MVP: variants seen among roughly 807,000 people sequenced by gnomAD.
The protein encoded by MVP is lung resistance-related protein.
Under a neutral mutation model 83.5 loss-of-function variants are expected in MVP, and 62 were observed. The ratio of observed to expected loss-of-function variants is 0.74; its 90% CI spans 0.61 to 0.92. The LOEUF (loss-of-function observed/expected upper bound fraction) is 0.92, where lower values mean the gene tolerates loss of function less well. MVP is among the 40% of genes least tolerant of loss of function. The probability of loss-of-function intolerance (pLI) is 0.00; values close to 1 mark genes in which losing one functional copy is unlikely to be tolerated. For synonymous variants in MVP, 505 were observed against 504.1 expected (o/e 1.00, Z -0.02); for missense variants, 1,000 against 1,203.4 (o/e 0.83, Z 2.50).
chr16:29,836,284 A>T (rs1415494430), intron 6 of MVP, among the ~76,000 whole-genome samples: 1 of 151,560 alleles, frequency 6.6e-6, no homozygotes, highest in Non-Finnish European at 1.5e-5. Flanking sequence ...AAAAAAAAAA[A>T]ACAAAGCCGG....
At position 29,844,529 on chromosome 16, in the gene MVP, G is replaced by A. The variant is rs530445296; in HGVS notation, c.1671G>A (p.Glu557=). 5 of 1,564,702 alleles carry A rather than the reference G, an allele frequency of 3.2e-6. No homozygotes were observed. The African/African-American group carries it at 5.4e-5, about 17-fold the overall frequency. Reference sequence around the variant, plus strand: ...TGAATGACCGGAAGGACCCCCAAGAGACGGCCAAGCTCTTTTCAGTGCCAG... The same window carrying A: ...TGAATGACCGGAAGGACCCCCAAGAAACGGCCAAGCTCTTTTCAGTGCCAG... ...FEVNDRKDPQ[E]TAKLFSVPDF... Residue 557 remains glutamate, a synonymous_variant, in exon 11 of 15, where the codon GAG becomes GAA. Transcript: ENST00000357402.
At chr16:29,845,222 A>G (rs1299774663) in intron 11 of MVP, among the ~76,000 whole-genome samples, 1 of 149,860 alleles carries the variant, frequency 6.7e-6, no homozygotes, top group African/African-American at 2.5e-5. Flanking sequence ...AAAAGCACGT[A>G]TCAGATGTGG....
chr16:29,829,454 CAAAAAA>C (rs34314929), intron 1 of MVP, among the ~76,000 whole-genome samples: 2 of 52,656 alleles, frequency 3.8e-5, no homozygotes, highest in Non-Finnish European at 7.6e-5. Context: ...GACTCCGTCT[CAAAAAA>C]AAAAAAAAAA....
chr16:29,840,409 C>T lies in MVP; in HGVS notation c.1141C>T (p.Pro381Ser), dbSNP rs1374117912. 1.3e-6 allele frequency: 2 copies of T among 1,587,808 alleles called. No homozygotes were observed. Among genetic ancestry groups the T allele is most frequent in the Non-Finnish European group, 1.7e-6 (2 of 1,167,912 alleles). Residue 381 changes from proline (P) to serine (S), a missense_variant, in exon 8 of 15, where the codon CCT becomes TCT. Transcript: ENST00000357402. Reference sequence around the variant, plus strand: ...GGTGGTGGAGGAGCGCCAGGCCATCCCTCTAGACGAGAACGAGGGCATCTA... The same window carrying T: ...GGTGGTGGAGGAGCGCCAGGCCATCTCTCTAGACGAGAACGAGGGCATCTA... Reference protein sequence around the residue: ...VEVVEERQAIPLDENEGIYVQ... With the variant: ...VEVVEERQAISLDENEGIYVQ...
Position 29,840,279 on chromosome 16 carries a change from G to C in MVP, c.1011G>C (p.Leu337=), listed in dbSNP as rs141590120. Residue 337 remains leucine (L), a synonymous_variant, in exon 8 of 15, where the codon CTG becomes CTC. Coordinates refer to ENST00000357402, the MANE Select transcript of MVP (RefSeq NM_005115.5). ...SEQQGLLLRA[L]QPLEEGEDEE... ...AGCAGGGGCTGCTGCTGAGGGCCCT[G>C]CAGCCCCTGGAGGAGGGGGAGGATG... 72 of 1,613,690 alleles carry C rather than the reference G, an allele frequency of 4.5e-5. No homozygotes were observed. The highest frequency in any genetic ancestry group is 5.8e-5 in the Non-Finnish European group (68 of 1,179,922).
chr16:29,836,730 G>C lies in MVP; in HGVS notation c.681G>C (p.Leu227=), dbSNP rs1416679222. Residue 227 remains leucine, a synonymous_variant, in exon 7 of 15, where the codon CTG becomes CTC. Coordinates refer to ENST00000357402, the MANE Select transcript of MVP (RefSeq NM_005115.5). ...AACATGTTGCTCTGCAGACAGCCCT[G>C]CACCTCCGGGCTCGGCGGAACTTCC... is the stretch of plus-strand genomic sequence containing the variant. ...DAVILTEKTA[L]HLRARRNFRD... is the part of the protein sequence containing the mutation. 5.7e-6 allele frequency: 9 copies of C among 1,587,110 alleles called. No individual in the cohort carries two copies. In the South Asian group the frequency reaches 1.0e-4, roughly 18 times the overall value.
At chr16:29,835,673 C>A in intron 5 of MVP, 31 bp from the exon 6 acceptor site, 1 of 1,597,940 alleles carries the variant, frequency 6.3e-7, no homozygotes, top group African/African-American at 1.3e-5. Context: ...GCTGGGGGGC[C>A]CTTGTCCCTT....
At chr16:29,840,025 A>C in intron 7 of MVP, 153 bp from the exon 8 acceptor site, 1 of 686,068 alleles carries the variant, frequency 1.5e-6, no homozygotes, top group South Asian at 2.1e-5. Flanking sequence ...CAGTCCAGAC[A>C]GTGCCTCACC....
chr16:29,841,585 C>T lies in MVP; in HGVS notation c.1192-11C>T. 1.3e-6 allele frequency: 2 copies of T among 1,572,944 alleles called. No individual in the cohort carries two copies. Among genetic ancestry groups the T allele is most frequent in the Non-Finnish European group, 1.7e-6 (2 of 1,157,348 alleles). On this transcript the variant is annotated splice_polypyrimidine_tract_variant and intron_variant, in intron 8 of 14. Transcript: ENST00000357402. This position sits in a 1 kb window ranked among gnomAD's most constrained non-coding sequence, Gnocchi z 4.7. ...CTTACGGGCAGCTTCCCTCCCTGTCCTCGTCCCAAGGTGCGCGCTGTGATT... is the reference window on the plus strand; with the variant it reads ...CTTACGGGCAGCTTCCCTCCCTGTCTTCGTCCCAAGGTGCGCGCTGTGATT...
At chr16:29,840,549 C>G in intron 8 of MVP, 90 bp downstream of exon 8, 1 of 1,435,466 alleles carries the variant, frequency 7.0e-7, no homozygotes, top group Non-Finnish European at 9.4e-7. Context: ...TGGGCAGGGA[C>G]TTCAGCAGCA....
intron 1 of MVP, among the ~76,000 whole-genome samples, chr16:29,824,119 A>G (rs11859871): frequency 0.24 from 35,706 of 146,670 alleles, 6,086 homozygotes; most frequent in African/African-American, 0.5. Context: ...GGGAGGCTGA[A>G]GCAGGAGAAT....
chr16:29,842,625 AAAAC>A (rs747716339), intron 10 of MVP, among the ~76,000 whole-genome samples: 26 of 152,280 alleles, frequency 1.7e-4, no homozygotes, highest in African/African-American at 2.9e-4. Context: ...CAAAACAAAA[AAAAC>A]AAACCGGGTG....
At chr16:29,828,839 C>G (rs747744658) in intron 1 of MVP, among the ~76,000 whole-genome samples, 1 of 152,188 alleles carries the variant, frequency 6.6e-6, no homozygotes, top group Non-Finnish European at 1.5e-5. Flanking sequence ...TCTAATTCTT[C>G]AAGTGAATCA....
intron 12 of MVP, 79 bp from the exon 13 acceptor site, chr16:29,846,075 CAGTG>C (rs2067582495): frequency 6.2e-6 from 10 of 1,604,930 alleles, no homozygotes; most frequent in Non-Finnish European, 8.5e-7. Flanking sequence ...GTCGATGAGA[CAGTG>C]CACGGCTACA....
Position 29,836,895 on chromosome 16 carries a change from C to G in MVP, c.846C>G (p.Cys282Trp). The change falls in exon 7 of 15, where the codon TGC (cysteine) becomes TGG (tryptophan). Residue 282 changes from cysteine to tryptophan, a missense_variant. Coordinates refer to ENST00000357402, the MANE Select transcript of MVP (RefSeq NM_005115.5). Reference sequence around the variant, plus strand: ...CCACCCTGGGCCCCCACAACTACTGCGTGATTCTCGACCCTGTCGGACCGG... The same window carrying G: ...CCACCCTGGGCCCCCACAACTACTGGGTGATTCTCGACCCTGTCGGACCGG... ...PITTLGPHNY[C>W]VILDPVGPDG... The G allele has an allele frequency of 6.2e-7, 1 of 1,614,042 alleles. No individual in the cohort carries two copies. Among genetic ancestry groups the G allele is most frequent in the Non-Finnish European group, 8.5e-7 (1 of 1,180,016 alleles).
At chr16:29,830,410 TG>T in intron 1 of MVP, 104 bp from the exon 2 acceptor site, 1 of 946,608 alleles carries the variant, frequency 1.1e-6, no homozygotes, top group African/African-American at 1.6e-5. Flanking sequence ...GTGGCCTGGC[TG>T]GAGGAGGTAG....
intron 10 of MVP, among the ~76,000 whole-genome samples, chr16:29,843,832 G>A (rs780623095): frequency 1.9e-4 from 29 of 151,908 alleles, no homozygotes; most frequent in Non-Finnish European, 3.4e-4. Flanking sequence ...TCCGGGAGGC[G>A]GAGGTTGCAG....
chr16:29,826,645 G>A (rs527324477), intron 1 of MVP, among the ~76,000 whole-genome samples: 6 of 144,246 alleles, frequency 4.2e-5, no homozygotes, highest in East Asian at 4.0e-4. Context: ...AAAAAAGGCC[G>A]GGCGTGGTGG....
At position 29,833,745 on chromosome 16, in the gene MVP, C is replaced by T; in HGVS notation, c.334C>T (p.Leu112=). 1.2e-6 allele frequency: 2 copies of T among 1,614,058 alleles called. No individual in the cohort carries two copies. Among genetic ancestry groups the T allele is most frequent in the East Asian group, 2.2e-5 (1 of 44,878 alleles). ...TCTTCCCCACTAGGACATCACACCC[C>T]TGCAGGTGGTTCTGCCCAACACTGC... ...GEVLEKDITP[L]QVVLPNTALH... is the part of the protein sequence containing the mutation. Residue 112 remains leucine, a synonymous_variant, in exon 4 of 15, where the codon CTG becomes TTG. Transcript: ENST00000357402.
Sources: allele counts gnomAD v4.1 joint callset (sites outside exome capture counted in the v4.1 genomes callset), GRCh38; gene constraint gnomAD v4.1.1; non-coding constraint Gnocchi (gnomAD v3.1); transcripts MANE v1.5; gene names NCBI Gene and HGNC (gene_info 2026-07-23, HGNC 2026-07-21).